Variants in PLXNA4 observed in about 807,000 individuals in gnomAD.
The protein encoded by PLXNA4 is plexin-A4.
Under a neutral mutation model 191.8 loss-of-function variants are expected in PLXNA4, and 44 were observed. That is an observed-to-expected ratio of 0.23 (90% CI 0.18 to 0.29). The LOEUF is 0.29. Among genes scored for constraint, PLXNA4 ranks in the 10% least tolerant of loss-of-function variants. The pLI is 1.00. For synonymous variants in PLXNA4, 1,082 were observed against 1,009.5 expected, an observed-to-expected ratio of 1.07 and a Z score of -1.36; for missense variants, 1,800 against 2,488.8, an observed-to-expected ratio of 0.72 and a Z score of 5.89.
chr7:132,636,151 TCCCATCCAATA>T (rs1409676902), intron 2 of PLXNA4, among the ~76,000 whole-genome samples: 1 of 152,102 alleles, frequency 6.6e-6, no homozygotes. Flanking sequence ...GCTCAAAGAC[TCCCATCCAATA>T]CCCAGGTTGG....
At chr7:132,559,049 C>A (rs764172011) in intron 1 of PLXNA4, among the ~76,000 whole-genome samples, 31 of 152,146 alleles carry the variant, frequency 2.0e-4, no homozygotes, top group Non-Finnish European at 3.7e-4. Flanking sequence ...CCACAGATCA[C>A]TGTGGTTAGG....
At chr7:132,309,675 T>C (rs1444455043) in intron 3 of PLXNA4, among the ~76,000 whole-genome samples, 1 of 152,124 alleles carries the variant, frequency 6.6e-6, no homozygotes, top group East Asian at 1.9e-4. Flanking sequence ...TGGAGTGGGA[T>C]CCAGCAGGTG....
At chr7:132,179,581 G>C in intron 20 of PLXNA4, 106 bp downstream of exon 20, 1 of 1,481,482 alleles carries the variant, frequency 6.7e-7, no homozygotes, top group Non-Finnish European at 9.0e-7. Flanking sequence ...TGCCCAGCCT[G>C]CTTGTTTGTA....
rs1193885351 is a variant in PLXNA4, at chr7:132,182,303, G to A, written c.3159-113C>T. The A allele has an allele frequency of 4.0e-6, 6 of 1,488,308 alleles. No individual in the cohort carries two copies. In the African/African-American group the frequency reaches 7.0e-5, roughly 17 times the overall value. The allele number at this position is 1,488,308 out of a possible 1,614,324, so 92.2% of individuals were successfully genotyped here. A position where few individuals can be genotyped will look rare whatever the true frequency, so the allele number is the denominator to read the frequency against. ...AGGACAGTGATAACTAGGCAGCAGG[G>A]TAATGTTCATGGGGACAAGGATGAC... On this transcript the variant is annotated intron_variant, in intron 16 of 31. Transcript: ENST00000321063.
Position 132,289,539 on chromosome 7 carries a change from A to T in PLXNA4, c.1503+8552T>A, listed in dbSNP as rs939668336. Among the ~76,000 whole-genome samples the T allele has an allele frequency of 3.5e-4, 53 of 149,602 alleles. 1 individual carries two copies. The highest frequency in any genetic ancestry group is 3.3e-3 in the Admixed American group (50 of 15,002). On this transcript the variant is annotated intron_variant, in intron 4 of 31. Transcript: ENST00000321063. ...CTTTTAAAAAAATTTATTTTTATTT[A>T]TTTTTTTTTTAGAGAAGTCATCTCC...
intron 4 of PLXNA4, among the ~76,000 whole-genome samples, chr7:132,256,043 G>C (rs920960671): frequency 6.6e-6 from 1 of 152,178 alleles, no homozygotes; most frequent in South Asian, 2.1e-4. Context: ...AATCATGCTG[G>C]CTCCTAGCCA....
At chr7:132,529,100 A>C (rs962735496) in intron 1 of PLXNA4, among the ~76,000 whole-genome samples, 1 of 152,244 alleles carries the variant, frequency 6.6e-6, no homozygotes, top group Non-Finnish European at 1.5e-5. Context: ...GTTAGTCCTG[A>C]GAATCTGTTC....
At chr7:132,165,926 C>T (rs767271654) in intron 22 of PLXNA4, among the ~76,000 whole-genome samples, 6 of 152,260 alleles carry the variant, frequency 3.9e-5, no homozygotes, top group Admixed American at 3.3e-4. Context: ...CGGCTGGGCA[C>T]GGTGGCTCTT....
At chr7:132,268,955 T>C (rs1312024985) in intron 4 of PLXNA4, among the ~76,000 whole-genome samples, 3 of 152,192 alleles carry the variant, frequency 2.0e-5, no homozygotes, top group Non-Finnish European at 4.4e-5. Flanking sequence ...AAAGTCTCAG[T>C]TGGCAAGGCA....
chr7:132,147,951 A>G lies in PLXNA4; in HGVS notation c.4813T>C (p.Tyr1605His). ...VALVSKQVTAYNAVNNSTVSR... is the reference protein window; with the variant it reads ...VALVSKQVTAHNAVNNSTVSR... ...ACGGTGGAGTTGTTCACTGCGTTATAGGCTGTCACCTGCTTGGACACTAAT... is the reference window on the plus strand; with the variant it reads ...ACGGTGGAGTTGTTCACTGCGTTATGGGCTGTCACCTGCTTGGACACTAAT... Residue 1605 changes from tyrosine to histidine, a missense_variant, in exon 27 of 32, where the codon TAT becomes CAT. Tyr to His is a moderately conservative substitution (Grantham distance 83). This residue lies in a region of PLXNA4 where 214 missense variants were observed against 298.2 expected (regional missense o/e 0.72). Transcript: ENST00000321063. 1 of 1,614,136 alleles carries G rather than the reference A, an allele frequency of 6.2e-7. No individual in the cohort carries two copies. The highest frequency in any genetic ancestry group is 1.1e-5 in the South Asian group (1 of 91,074).
chr7:132,365,360 T>TGCATGC (rs1804125536), intron 3 of PLXNA4, among the ~76,000 whole-genome samples: 1 of 128,742 alleles, frequency 7.8e-6, no homozygotes, highest in Non-Finnish European at 1.7e-5. Flanking sequence ...TGTGTGTGTG[T>TGCATGC]GCGTGCGCGC....
At chr7:132,189,030 A>AAGGAAG (rs1797000995) in intron 14 of PLXNA4, among the ~76,000 whole-genome samples, 2 of 61,914 alleles carry the variant, frequency 3.2e-5, no homozygotes, top group Non-Finnish European at 3.1e-5. Flanking sequence ...GAGAGAGAGA[A>AAGGAAG]AGAGAGAGAG....
At chr7:132,419,227 G>A (rs1312143277) in intron 3 of PLXNA4, among the ~76,000 whole-genome samples, 4 of 152,190 alleles carry the variant, frequency 2.6e-5, no homozygotes, top group South Asian at 2.1e-4. Flanking sequence ...GCCAGGCATC[G>A]TGTCCTGGGC....
At chr7:132,520,732 C>T (rs761834969) in intron 1 of PLXNA4, among the ~76,000 whole-genome samples, 4 of 152,126 alleles carry the variant, frequency 2.6e-5, no homozygotes, top group Non-Finnish European at 4.4e-5. Context: ...TCTGTCCGGC[C>T]GCCCCTCCAC....
At chr7:132,565,099 G>T (rs906949795) in intron 1 of PLXNA4, among the ~76,000 whole-genome samples, 2 of 152,158 alleles carry the variant, frequency 1.3e-5, no homozygotes, top group Non-Finnish European at 2.9e-5. Context: ...CATTCTCTTT[G>T]TCTTGATTTT....
intron 4 of PLXNA4, among the ~76,000 whole-genome samples, chr7:132,248,478 C>T (rs747804309): frequency 6.6e-6 from 1 of 152,042 alleles, no homozygotes; most frequent in African/African-American, 2.4e-5. Flanking sequence ...TGCAAAGGTC[C>T]CGTGAAAGGT....
At chr7:132,630,658 T>C (rs987256053) in intron 2 of PLXNA4, among the ~76,000 whole-genome samples, 3 of 152,060 alleles carry the variant, frequency 2.0e-5, no homozygotes, top group African/African-American at 7.2e-5. Context: ...ACTACAGGCG[T>C]CTGCCACCAC....
Position 132,520,972 on chromosome 7 carries a change from C to G in PLXNA4, c.-86-12193G>C, listed in dbSNP as rs563044466. Among the ~76,000 whole-genome samples the G allele has an allele frequency of 2.6e-5, 4 of 152,158 alleles. No individual in the cohort carries two copies. The East Asian group carries it at 7.8e-4, about 29-fold the overall frequency. On this transcript the variant is annotated intron_variant, in intron 1 of 31. Transcript: ENST00000321063. ...ACTCCAGGCCCCTTTTGTCCCTCTACCCCCTCTCTTCTTTCTCAATTCCCC... is the reference window on the plus strand; with the variant it reads ...ACTCCAGGCCCCTTTTGTCCCTCTAGCCCCTCTCTTCTTTCTCAATTCCCC...
intron 2 of PLXNA4, among the ~76,000 whole-genome samples, chr7:132,606,575 C>A (rs1176839555): frequency 6.6e-6 from 1 of 152,210 alleles, no homozygotes; most frequent in Non-Finnish European, 1.5e-5. Flanking sequence ...AATGTGAAAT[C>A]TGTGTTATGC....
Sources: allele counts gnomAD v4.1 joint callset (sites outside exome capture counted in the v4.1 genomes callset), GRCh38; gene constraint gnomAD v4.1.1; regional missense constraint gnomAD v4.1.1; transcripts MANE v1.5; gene names NCBI Gene and HGNC (gene_info 2026-07-23, HGNC 2026-07-21).